FGGY: variants seen among roughly 807,000 people sequenced by gnomAD.
FGGY encodes the protein FGGY carbohydrate kinase domain-containing protein.
In FGGY, 72 loss-of-function variants were observed where a neutral mutation model predicts 71.3. That is an observed-to-expected ratio of 1.01 (90% CI 0.84 to 1.23). The LOEUF is 1.23. FGGY is among the 50% of genes most tolerant of loss of function. The pLI is 0.00. For synonymous variants in FGGY, 251 were observed against 250.3 expected, an observed-to-expected ratio of 1.00 and a Z score of -0.02; for missense variants, 668 against 682.3, an observed-to-expected ratio of 0.98 and a Z score of 0.23.
chr1:59,689,176 C>T (rs2097569814), intron 14 of FGGY, among the ~76,000 whole-genome samples: 1 of 152,136 alleles, frequency 6.6e-6, no homozygotes, highest in African/African-American at 2.4e-5. Flanking sequence ...AATCTACTCT[C>T]TGGTAGTGAC....
At chr1:59,333,851 T>G (rs2048952952) in intron 2 of FGGY, among the ~76,000 whole-genome samples, 1 of 152,182 alleles carries the variant, frequency 6.6e-6, no homozygotes, top group African/African-American at 2.4e-5. Context: ...ATCAGTGTGG[T>G]GAAGGCATCT....
intron 8 of FGGY, among the ~76,000 whole-genome samples, chr1:59,575,986 T>C (rs1188609371): frequency 1.3e-5 from 2 of 152,210 alleles, no homozygotes; most frequent in East Asian, 1.9e-4. Flanking sequence ...TTTGCTTCTC[T>C]CTTCCCTTCT....
rs6665550 is a variant in FGGY, at chr1:59,491,142, C to T, written c.671-21169C>T. 2.3e-4 allele frequency among the ~76,000 whole-genome samples: 8 copies of T among 34,870 alleles called. 2 individuals carry two copies. The highest frequency in any genetic ancestry group is 8.0e-4 in the African/African-American group (4 of 4,994). 22.9% of individuals were successfully genotyped at this position (34,870 alleles called of 152,430 possible). On this transcript the variant is annotated intron_variant, in intron 6 of 15. Transcript: ENST00000303721. Reference sequence around the variant, plus strand: ...TCCTTCCTTCCTTCCTTCCTTCCTTCCTTTCTCTCTTTCTCTCTTTTTTTC... The same window carrying T: ...TCCTTCCTTCCTTCCTTCCTTCCTTTCTTTCTCTCTTTCTCTCTTTTTTTC...
At chr1:59,326,682 TG>T (rs770612702) in intron 2 of FGGY, among the ~76,000 whole-genome samples, 13 of 152,204 alleles carry the variant, frequency 8.5e-5, no homozygotes, top group Non-Finnish European at 1.6e-4. Flanking sequence ...ACTGATGTCT[TG>T]ATATTCATTT....
intron 6 of FGGY, among the ~76,000 whole-genome samples, chr1:59,505,361 G>A (rs1412141630): frequency 2.0e-5 from 3 of 152,196 alleles, no homozygotes; most frequent in Non-Finnish European, 4.4e-5. Context: ...AGTAAGTGAT[G>A]AGGCTATCAT....
chr1:59,341,095 A>G (rs1163523311), intron 3 of FGGY, among the ~76,000 whole-genome samples: 1 of 152,188 alleles, frequency 6.6e-6, no homozygotes, highest in Non-Finnish European at 1.5e-5. Flanking sequence ...ATTGATACAC[A>G]GTGGAATTAG....
rs987526656 is a variant in FGGY, at chr1:59,499,300, T to G, written c.671-13011T>G. 1.3e-3 allele frequency among the ~76,000 whole-genome samples: 109 copies of G among 81,794 alleles called. 2 individuals are homozygous for G. The highest frequency in any genetic ancestry group is 2.3e-3 in the Non-Finnish European group (96 of 40,948). The allele number at this position is 81,794 out of a possible 152,430, so 53.7% of individuals were successfully genotyped here. A position where few individuals can be genotyped will look rare whatever the true frequency, so the allele number is the denominator to read the frequency against. On this transcript the variant is annotated intron_variant, in intron 6 of 15. Transcript: ENST00000303721. ...CTGAACCCTATGTATACTATGTTTG[T>G]TTTTTTTTTTTTTTTGATCTGGTAA... is the stretch of plus-strand genomic sequence containing the variant.
At chr1:59,439,800 C>CTA (rs1348435954) in intron 5 of FGGY, among the ~76,000 whole-genome samples, 10 of 152,110 alleles carry the variant, frequency 6.6e-5, no homozygotes, top group African/African-American at 2.4e-4. Context: ...CCTTTTTGTT[C>CTA]TATATTTCCA....
chr1:59,425,446 C>T (rs1370909833), intron 5 of FGGY, among the ~76,000 whole-genome samples: 1 of 151,986 alleles, frequency 6.6e-6, no homozygotes, highest in Non-Finnish European at 1.5e-5. Flanking sequence ...CTTCCCATTA[C>T]ACTTGTGAAG....
intron 6 of FGGY, among the ~76,000 whole-genome samples, chr1:59,500,820 G>A (rs1330198308): frequency 1.3e-5 from 2 of 152,154 alleles, no homozygotes; most frequent in African/African-American, 4.8e-5. Context: ...AGCGTTCGTT[G>A]AGGATAAGCA....
intron 5 of FGGY, among the ~76,000 whole-genome samples, chr1:59,393,968 T>C (rs2061011413): frequency 6.6e-6 from 1 of 152,214 alleles, no homozygotes; most frequent in Non-Finnish European, 1.5e-5. Context: ...TATATAAGAA[T>C]GGCCACTGTG....
Position 59,563,249 on chromosome 1 carries a change from T to C in FGGY, c.903+9022T>C, listed in dbSNP as rs755305729. On this transcript the variant is annotated intron_variant, in intron 8 of 15. Transcript: ENST00000303721. ...GCTGCGGGTTTGTCATAAATAGCTC[T>C]TCTTGTTTTGAGATATGTTCATTCA... Among the ~76,000 whole-genome samples the C allele has an allele frequency of 2.6e-5, 4 of 152,346 alleles. No individual in the cohort carries two copies. The South Asian group carries it at 8.3e-4, about 32-fold the overall frequency.
intron 6 of FGGY, among the ~76,000 whole-genome samples, chr1:59,499,427 C>T (rs749796634): frequency 6.6e-6 from 1 of 150,558 alleles, no homozygotes; most frequent in South Asian, 2.1e-4. Flanking sequence ...AGCTAGATAA[C>T]GTGAGAATTC....
intron 7 of FGGY, among the ~76,000 whole-genome samples, chr1:59,526,577 A>T (rs2094987960): frequency 1.3e-5 from 2 of 152,216 alleles, no homozygotes; most frequent in South Asian, 4.1e-4. Context: ...TAGGGAATGG[A>T]TCAGCCAGCT....
At chr1:59,428,161 G>C (rs757536695) in intron 5 of FGGY, among the ~76,000 whole-genome samples, 3 of 152,210 alleles carry the variant, frequency 2.0e-5, no homozygotes, top group Non-Finnish European at 4.4e-5. Flanking sequence ...TCCTGCAAGT[G>C]ATTCTAGAGG....
intron 9 of FGGY, among the ~76,000 whole-genome samples, chr1:59,608,950 G>A (rs1316226544): frequency 1.3e-5 from 2 of 152,210 alleles, no homozygotes; most frequent in East Asian, 1.9e-4. Context: ...TCCAATAGGG[G>A]AGAGAGAAGA....
At chr1:59,384,269 C>G (rs1027021898) in intron 5 of FGGY, among the ~76,000 whole-genome samples, 1 of 151,798 alleles carries the variant, frequency 6.6e-6, no homozygotes, top group African/African-American at 2.4e-5. Flanking sequence ...GACCTCCCTT[C>G]CCATTTCCCT....
intron 5 of FGGY, among the ~76,000 whole-genome samples, chr1:59,440,053 A>G (rs747731375): frequency 1.3e-5 from 2 of 149,874 alleles, no homozygotes; most frequent in Non-Finnish European, 3.0e-5. Context: ...TGCTTAATTT[A>G]TAAGACATAA....
At chr1:59,305,402 T>C (rs2043300078) in intron 1 of FGGY, among the ~76,000 whole-genome samples, 1 of 152,160 alleles carries the variant, frequency 6.6e-6, no homozygotes, top group African/African-American at 2.4e-5. Context: ...CAAGGATAGT[T>C]ACTTACTTGA....
Sources: gnomAD v4.1 joint callset for allele counts (sites outside exome capture counted in the v4.1 genomes callset) on GRCh38, gnomAD v4.1.1 for gene constraint, MANE v1.5 for transcripts, NCBI Gene and HGNC (gene_info 2026-07-23, HGNC 2026-07-21) for gene names.